ASCC3: variants seen among roughly 807,000 people sequenced by gnomAD.
ASCC3 encodes ASC-1 complex subunit P200.
A neutral mutation model predicts 256.3 loss-of-function variants in ASCC3; 158 were observed. That is an observed-to-expected ratio of 0.62 (90% CI 0.54 to 0.70). The LOEUF (loss-of-function observed/expected upper bound fraction) is 0.70. Ranked by LOEUF, ASCC3 falls within the 30% of genes least tolerant of loss-of-function variation. ASCC3 has a pLI of 0.00. For synonymous variants in ASCC3, 948 were observed against 883.4 expected (o/e 1.07, Z -1.30); for missense variants, 2,259 against 2,626.0 (o/e 0.86, Z 3.05).
intron 1 of ASCC3, among the ~76,000 whole-genome samples, chr6:100,873,509 T>G (rs1472882114): frequency 6.6e-6 from 1 of 152,058 alleles, no homozygotes; most frequent in Non-Finnish European, 1.5e-5. Flanking sequence ...GACAATCAAA[T>G]ACAAGACATT....
At chr6:100,651,067 T>C (rs1012697091) in intron 19 of ASCC3, among the ~76,000 whole-genome samples, 1 of 151,474 alleles carries the variant, frequency 6.6e-6, no homozygotes, top group African/African-American at 2.4e-5. Flanking sequence ...CCAACTGGAT[T>C]AGGGCAACTT....
chr6:100,737,279 T>C (rs1457528163), intron 10 of ASCC3, among the ~76,000 whole-genome samples: 1 of 152,034 alleles, frequency 6.6e-6, no homozygotes, highest in African/African-American at 2.4e-5. Context: ...TACAGGTTTA[T>C]TACATAAGAA....
chr6:100,545,654 C>G (rs886533511), intron 36 of ASCC3, among the ~76,000 whole-genome samples: 6 of 152,208 alleles, frequency 3.9e-5, no homozygotes, highest in Non-Finnish European at 7.3e-5. Context: ...TGTAGTGGCA[C>G]AATCATAGCT....
intron 13 of ASCC3, among the ~76,000 whole-genome samples, chr6:100,700,625 A>C (rs1778311892): frequency 1.3e-5 from 2 of 152,234 alleles, no homozygotes; most frequent in Admixed American, 1.3e-4. Flanking sequence ...GGAGCTGCTC[A>C]AGGCCATGGG....
At chr6:100,669,446 A>C (rs1776635886) in intron 14 of ASCC3, among the ~76,000 whole-genome samples, 1 of 151,398 alleles carries the variant, frequency 6.6e-6, no homozygotes, top group African/African-American at 2.4e-5. Context: ...ATATTGCTGA[A>C]GAACATTCAA....
intron 36 of ASCC3, 55 bp downstream of exon 36, chr6:100,589,579 C>G (rs1187132303): frequency 6.9e-6 from 11 of 1,605,532 alleles, no homozygotes; most frequent in Middle Eastern, 1.7e-4. Context: ...AACTAGGTGG[C>G]AAAACTTTAA....
At chr6:100,791,379 T>C (rs1769344292) in intron 8 of ASCC3, among the ~76,000 whole-genome samples, 1 of 151,956 alleles carries the variant, frequency 6.6e-6, no homozygotes, top group African/African-American at 2.4e-5. Flanking sequence ...ATTTGGAAGA[T>C]TCTGTATAAA....
At chr6:100,625,160 G>GT (rs765398472) in intron 30 of ASCC3, 32 bp downstream of exon 30, 9 of 1,609,632 alleles carry the variant, frequency 5.6e-6, no homozygotes, top group Non-Finnish European at 7.6e-6. Flanking sequence ...CCTGAAACGT[G>GT]TAAGTAGTAG....
intron 11 of ASCC3, among the ~76,000 whole-genome samples, chr6:100,718,651 T>TC (rs1418838606): frequency 3.3e-5 from 5 of 152,060 alleles, no homozygotes; most frequent in African/African-American, 1.2e-4. Context: ...TCCCAACGAC[T>TC]CAGGAGGCTG....
At chr6:100,753,434 A>T (rs1400797659) in intron 10 of ASCC3, among the ~76,000 whole-genome samples, 1 of 151,884 alleles carries the variant, frequency 6.6e-6, no homozygotes, top group Non-Finnish European at 1.5e-5. Context: ...CATGATAAGG[A>T]GGAAGGTTGT....
chr6:100,622,484 G>GA (rs1368699517), intron 30 of ASCC3, among the ~76,000 whole-genome samples: 1 of 151,986 alleles, frequency 6.6e-6, no homozygotes, highest in East Asian at 1.9e-4. Context: ...CAGCCATGCT[G>GA]AACTGTGAGT....
At chr6:100,854,732 C>T (rs570161566) in intron 3 of ASCC3, among the ~76,000 whole-genome samples, 10 of 152,198 alleles carry the variant, frequency 6.6e-5, no homozygotes, top group Admixed American at 1.3e-4. Flanking sequence ...TGTAACTTCC[C>T]AAGCAACCAA....
chr6:100,722,822 AAAG>A (rs1488895881), intron 11 of ASCC3, among the ~76,000 whole-genome samples: 1 of 151,840 alleles, frequency 6.6e-6, no homozygotes. Flanking sequence ...CCCCGAATGT[AAAG>A]AAGAGCACAC....
intron 37 of ASCC3, among the ~76,000 whole-genome samples, chr6:100,524,148 T>A (rs1256119729): frequency 6.6e-6 from 1 of 152,164 alleles, no homozygotes; most frequent in Non-Finnish European, 1.5e-5. Flanking sequence ...TTCATATATG[T>A]GCTCATTACA....
rs1772639822 is a variant in ASCC3 at position 100,601,939 on chromosome 6, T to C, written c.5178-4A>G. 14 of 1,611,490 alleles carry C rather than the reference T, an allele frequency of 8.7e-6. No homozygotes were observed. The highest frequency in any genetic ancestry group is 1.7e-4 in the Middle Eastern group (1 of 5,948). ...GTCAGAGAGCACTCCTAATAAACTA[T>C]ATAGTGAACAAGACATGGGAAGCAT... On this transcript the variant is annotated splice_region_variant and splice_polypyrimidine_tract_variant and intron_variant, in intron 33 of 41. Coordinates refer to ENST00000369162, the MANE Select transcript of ASCC3 (RefSeq NM_006828.4).
chr6:100,859,535 A>G (rs1773123408), intron 3 of ASCC3, among the ~76,000 whole-genome samples: 1 of 152,024 alleles, frequency 6.6e-6, no homozygotes, highest in African/African-American at 2.4e-5. Context: ...TTCTGCTACT[A>G]TCTTTTTATA....
At chr6:100,871,995 C>T (rs1773764723) in intron 1 of ASCC3, among the ~76,000 whole-genome samples, 1 of 151,980 alleles carries the variant, frequency 6.6e-6, no homozygotes, top group Non-Finnish European at 1.5e-5. Flanking sequence ...TATTTTCTAC[C>T]CACACTGAGA....
intron 36 of ASCC3, among the ~76,000 whole-genome samples, chr6:100,571,804 C>T (rs538223322): frequency 1.3e-5 from 2 of 152,256 alleles, no homozygotes; most frequent in South Asian, 2.1e-4. Flanking sequence ...AGTGAATTGA[C>T]TAGATGATAG....
At chr6:100,718,020 T>A (rs1779164187) in intron 12 of ASCC3, 55 bp downstream of exon 12, 2 of 1,554,388 alleles carry the variant, frequency 1.3e-6, no homozygotes, top group Admixed American at 3.4e-5. Flanking sequence ...CAAACAAGTA[T>A]TCAATAATAA....
Sources: allele counts gnomAD v4.1 joint callset (sites outside exome capture counted in the v4.1 genomes callset), GRCh38; gene constraint gnomAD v4.1.1; transcripts MANE v1.5; gene names NCBI Gene and HGNC (gene_info 2026-07-23, HGNC 2026-07-21).